The following CDH20 variants were observed in gnomAD, a reference collection of about 807,000 sequenced individuals.
The protein encoded by CDH20 is cadherin-20.
A neutral mutation model predicts 74.2 loss-of-function variants in CDH20; 29 were observed. That is an observed-to-expected ratio of 0.39 (90% CI 0.29 to 0.53). CDH20 has a LOEUF of 0.53. Ranked by LOEUF, CDH20 falls within the 20% of genes least tolerant of loss-of-function variation. The probability of loss-of-function intolerance (pLI) is 0.69; values close to 1 mark genes in which losing one functional copy is unlikely to be tolerated. For synonymous variants in CDH20, 469 were observed against 405.4 expected (o/e 1.16, Z -1.88); for missense variants, 988 against 1,048.3 (o/e 0.94, Z 0.79).
At chr18:61,489,639 G>A (rs1910885333) in intron 1 of CDH20, among the ~76,000 whole-genome samples, 2 of 151,740 alleles carry the variant, frequency 1.3e-5, no homozygotes, top group African/African-American at 4.8e-5. Context: ...GGTCAAGAAA[G>A]GAGATTTGTT....
intron 1 of CDH20, among the ~76,000 whole-genome samples, chr18:61,478,030 G>A (rs546470112): frequency 4.5e-4 from 69 of 151,928 alleles, no homozygotes; most frequent in Admixed American, 7.9e-4. Flanking sequence ...GTGAAACTGT[G>A]TCTACTAAAA....
intron 1 of CDH20, among the ~76,000 whole-genome samples, chr18:61,482,765 AAG>A (rs1910632625): frequency 6.6e-6 from 1 of 152,004 alleles, no homozygotes; most frequent in African/African-American, 2.4e-5. Context: ...CCAAAGTGCT[AAG>A]ATTACAAGTG....
chr18:61,361,697 A>T (rs1411672240), intron 1 of CDH20, among the ~76,000 whole-genome samples: 2 of 152,236 alleles, frequency 1.3e-5, no homozygotes, highest in Non-Finnish European at 2.9e-5. Context: ...TGACAGAAAT[A>T]CTTTGTCTGT....
rs745478230 is a variant in CDH20, at chr18:61,490,754, C to T, written c.201C>T (p.Phe67=). The T allele has an allele frequency of 1.3e-5, 21 of 1,614,110 alleles. No individual in the cohort carries two copies. The highest frequency in any genetic ancestry group is 2.2e-5 in the East Asian group (1 of 44,874). ...TKRSWVWNQF[F]VLEEYTGTDP... ...GGAGCTGGGTTTGGAACCAGTTTTTCGTTCTGGAAGAGTACACTGGGACCG... is the reference window on the plus strand; with the variant it reads ...GGAGCTGGGTTTGGAACCAGTTTTTTGTTCTGGAAGAGTACACTGGGACCG... The change falls in exon 2 of 12, where the codon TTC becomes TTT. Residue 67 remains phenylalanine (F), a synonymous_variant. Coordinates refer to ENST00000262717, the MANE Select transcript of CDH20 (RefSeq NM_031891.4).
intron 1 of CDH20, among the ~76,000 whole-genome samples, chr18:61,349,720 A>G (rs1039426086): frequency 6.6e-6 from 1 of 152,076 alleles, no homozygotes; most frequent in Non-Finnish European, 1.5e-5. Flanking sequence ...ATTAGGCCAG[A>G]GAGTATATAA....
intron 1 of CDH20, among the ~76,000 whole-genome samples, chr18:61,359,163 G>A (rs1910601040): frequency 6.6e-6 from 1 of 151,980 alleles, no homozygotes; most frequent in African/African-American, 2.4e-5. Flanking sequence ...TTCCAACTTG[G>A]TAAATATAAT....
At chr18:61,489,723 T>C (rs574838014) in intron 1 of CDH20, among the ~76,000 whole-genome samples, 8 of 152,170 alleles carry the variant, frequency 5.3e-5, no homozygotes, top group African/African-American at 1.9e-4. Context: ...AAGGATATAA[T>C]GATCAACTGA....
chr18:61,554,381 C>T lies in CDH20; in HGVS notation c.2092C>T (p.Arg698Trp), dbSNP rs764327558. The T allele has an allele frequency of 3.1e-6, 5 of 1,612,762 alleles. No individual in the cohort carries two copies. In the South Asian group the frequency reaches 3.3e-5, roughly 11 times the overall value. ...EAQAGAAPKT[R>W]QDMLPEIESL... is the part of the protein sequence containing the mutation. ...GCAGGCGGGGGCCGCCCCCAAGACGCGGCAGGACATGCTGCCCGAGATCGA... is the reference window on the plus strand; with the variant it reads ...GCAGGCGGGGGCCGCCCCCAAGACGTGGCAGGACATGCTGCCCGAGATCGA... Residue 698 changes from arginine (R) to tryptophan (W), a missense_variant, in exon 12 of 12, where the codon CGG becomes TGG. Physicochemically the swap from Arg to Trp is moderately radical, Grantham distance 101. This residue lies in a region of CDH20 where 375 missense variants were observed against 293.1 expected (regional missense o/e 1.28). Transcript: ENST00000262717.
intron 6 of CDH20, among the ~76,000 whole-genome samples, chr18:61,514,396 T>C (rs902373194): frequency 9.9e-5 from 15 of 152,174 alleles, no homozygotes; most frequent in African/African-American, 2.9e-4. Flanking sequence ...TAGTTATACA[T>C]TCTTCTAAAT....
intron 1 of CDH20, among the ~76,000 whole-genome samples, chr18:61,370,778 A>G (rs1395716963): frequency 1.3e-5 from 2 of 152,140 alleles, no homozygotes; most frequent in African/African-American, 4.8e-5. Flanking sequence ...AAGAGTACAA[A>G]GTCTCAGTAT....
chr18:61,339,701 T>TTTTTTTTC (rs58434671), intron 1 of CDH20, among the ~76,000 whole-genome samples: 2 of 122,946 alleles, frequency 1.6e-5, no homozygotes, highest in African/African-American at 3.0e-5. Context: ...TTTTTTTTTT[T>TTTTTTTTC]TTTTGAGATG....
chr18:61,403,208 T>C (rs1329690414), intron 1 of CDH20, among the ~76,000 whole-genome samples: 1 of 152,194 alleles, frequency 6.6e-6, no homozygotes, highest in African/African-American at 2.4e-5. Context: ...TATTAGTTTT[T>C]CAGAGATTTT....
At chr18:61,498,476 T>C (rs1224249522) in intron 2 of CDH20, among the ~76,000 whole-genome samples, 1 of 151,168 alleles carries the variant, frequency 6.6e-6, no homozygotes, top group African/African-American at 2.4e-5. Context: ...TGTCCCTAAC[T>C]CAACCATCCA....
At chr18:61,512,570 C>A (rs1911822336) in intron 6 of CDH20, among the ~76,000 whole-genome samples, 1 of 152,062 alleles carries the variant, frequency 6.6e-6, no homozygotes, top group Non-Finnish European at 1.5e-5. Flanking sequence ...TTTGTTTCAC[C>A]AATGTTAGAT....
chr18:61,555,227 C>A lies in CDH20; in HGVS notation c.*532C>A. On this transcript the variant is annotated 3_prime_UTR_variant, in exon 12 of 12. Transcript: ENST00000262717. ...ACTTGTTCTGGGATGGATGGAATTT[C>A]CCGTAACCCTTTTGAGACAAGGTTA... The A allele has an allele frequency of 1.0e-6, 1 of 985,472 alleles. No homozygotes were observed. Among genetic ancestry groups the A allele is most frequent in the Non-Finnish European group, 1.2e-6 (1 of 830,352 alleles). The allele number at this position is 985,472 out of a possible 1,614,324, so 61.0% of individuals were successfully genotyped here. A position where few individuals can be genotyped will look rare whatever the true frequency, so the allele number is the denominator to read the frequency against.
At chr18:61,367,754 A>T (rs1341535427) in intron 1 of CDH20, among the ~76,000 whole-genome samples, 1 of 152,052 alleles carries the variant, frequency 6.6e-6, no homozygotes, top group Non-Finnish European at 1.5e-5. Flanking sequence ...ACAGAAATAT[A>T]TTGTCTTACA....
At chr18:61,469,190 C>T (rs958494733) in intron 1 of CDH20, among the ~76,000 whole-genome samples, 1 of 152,244 alleles carries the variant, frequency 6.6e-6, no homozygotes. Context: ...TGCTTCAGAT[C>T]AGAACAACAA....
At chr18:61,541,506 C>T (rs941457865) in intron 9 of CDH20, among the ~76,000 whole-genome samples, 1 of 152,134 alleles carries the variant, frequency 6.6e-6, no homozygotes, top group African/African-American at 2.4e-5. Context: ...ATCAAACAAA[C>T]ATAGTCCCCA....
intron 8 of CDH20, among the ~76,000 whole-genome samples, chr18:61,538,448 C>T (rs1473935283): frequency 6.6e-6 from 1 of 151,884 alleles, no homozygotes; most frequent in Admixed American, 6.6e-5. Context: ...CAACACACAC[C>T]TTATTCTGTC....
Sources: gnomAD v4.1 joint callset for allele counts (sites outside exome capture counted in the v4.1 genomes callset) on GRCh38, gnomAD v4.1.1 for gene constraint, gnomAD v4.1.1 regional missense constraint, MANE v1.5 for transcripts, NCBI Gene and HGNC (gene_info 2026-07-23, HGNC 2026-07-21) for gene names.